Variants in GLIS3 observed in about 807,000 individuals in gnomAD.
The protein encoded by GLIS3 is GLIS family zinc finger 3.
A neutral mutation model predicts 78.6 loss-of-function variants in GLIS3; 53 were observed. That is an observed-to-expected ratio of 0.67 (90% confidence interval 0.54 to 0.85). The LOEUF is 0.85. Among genes scored for constraint, GLIS3 ranks in the 40% least tolerant of loss-of-function variants. The pLI, the probability that GLIS3 is intolerant of heterozygous loss-of-function variation, is 0.00. For missense variants in GLIS3, 1,703 were observed against 1,231.1 expected (o/e 1.38, Z -5.74); for synonymous variants, 684 against 509.9 (o/e 1.34, Z -4.60).
In GLIS3 at chr9:4,266,135, G is replaced by A. The variant is rs186351457; in HGVS notation, c.388+19903C>T. On this transcript the variant is annotated intron_variant, in intron 2 of 10. Coordinates refer to ENST00000381971, the MANE Select transcript of GLIS3 (RefSeq NM_001042413.2). ...AGGTTTCACCATGTTATCCAGGATG[G>A]TCTCGATCTCCTGACCTCATGATCC... 2.1e-3 allele frequency among the ~76,000 whole-genome samples: 321 copies of A among 151,668 alleles called. 6 individuals carry two copies. The highest frequency in any genetic ancestry group is 0.018 in the Admixed American group (279 of 15,248).
At chr9:4,101,284 A>G (rs1277900560) in intron 4 of GLIS3, among the ~76,000 whole-genome samples, 4 of 152,208 alleles carry the variant, frequency 2.6e-5, no homozygotes, top group African/African-American at 9.6e-5. Context: ...CTTGACTTCA[A>G]TGGAAGATGT....
chr9:3,894,558 G>A (rs1027894911), intron 7 of GLIS3, among the ~76,000 whole-genome samples: 3 of 152,038 alleles, frequency 2.0e-5, no homozygotes, highest in Non-Finnish European at 4.4e-5. Context: ...TTTTTATATG[G>A]TGCTATTTCT....
intron 4 of GLIS3, among the ~76,000 whole-genome samples, chr9:3,938,709 G>T (rs890596767): frequency 2.0e-5 from 3 of 152,186 alleles, no homozygotes; most frequent in South Asian, 4.2e-4. Context: ...AATAATTTTG[G>T]TGTTTTCCTG....
chr9:4,158,774 G>A (rs1345035086), intron 2 of GLIS3, among the ~76,000 whole-genome samples: 1 of 152,142 alleles, frequency 6.6e-6, no homozygotes, highest in African/African-American at 2.4e-5. Flanking sequence ...ACAATAATAT[G>A]AGTGAATGAA....
intron 4 of GLIS3, among the ~76,000 whole-genome samples, chr9:3,957,320 A>G (rs1212905200): frequency 6.6e-6 from 1 of 152,262 alleles, no homozygotes; most frequent in Non-Finnish European, 1.5e-5. Context: ...TTGGCTGCCT[A>G]GCCGATTAAT....
At chr9:4,084,327 CCTGTGGGATATCT>C (rs1564025188) in intron 4 of GLIS3, among the ~76,000 whole-genome samples, 2 of 150,920 alleles carry the variant, frequency 1.3e-5, no homozygotes, top group African/African-American at 4.9e-5. Flanking sequence ...CTTAGAGGGG[CCTGTGGGATATCT>C]CTTATCTTGC....
At chr9:4,384,847 T>C in the GLIS3 span, among the ~76,000 whole-genome samples, 7 of 152,250 alleles carry the variant, frequency 4.6e-5, no homozygotes, top group African/African-American at 7.2e-5. Context: ...ACATATCAGA[T>C]AGAAGACTTT....
intron 9 of GLIS3, among the ~76,000 whole-genome samples, chr9:3,845,472 A>C (rs2130117961): frequency 6.6e-6 from 1 of 152,282 alleles, no homozygotes; most frequent in South Asian, 2.1e-4. Flanking sequence ...AATTGGGGCA[A>C]ACATAAGGCT....
At chr9:4,244,608 C>G (rs956650667) in intron 2 of GLIS3, among the ~76,000 whole-genome samples, 6 of 151,894 alleles carry the variant, frequency 4.0e-5, no homozygotes, top group Non-Finnish European at 7.4e-5. Context: ...GAGTTTTGCT[C>G]TTGCCACCCA....
intron 2 of GLIS3, among the ~76,000 whole-genome samples, chr9:4,139,695 G>A (rs999580501): frequency 3.3e-5 from 5 of 152,190 alleles, no homozygotes; most frequent in African/African-American, 1.2e-4. Flanking sequence ...TGGGGTTCAG[G>A]ATGAAACTGT....
At chr9:4,083,518 G>T (rs895720815) in intron 4 of GLIS3, among the ~76,000 whole-genome samples, 2 of 152,150 alleles carry the variant, frequency 1.3e-5, no homozygotes, top group East Asian at 1.9e-4. Context: ...CATTCTATGG[G>T]TAAAAATACC....
At chr9:4,410,365 G>A in the GLIS3 span, among the ~76,000 whole-genome samples, 3 of 152,126 alleles carry the variant, frequency 2.0e-5, no homozygotes, top group East Asian at 1.9e-4. Flanking sequence ...TTAGCATAGA[G>A]CTATGGAGAA....
chr9:3,860,865 C>G (rs1011625689), intron 8 of GLIS3, among the ~76,000 whole-genome samples: 5 of 152,108 alleles, frequency 3.3e-5, no homozygotes, highest in African/African-American at 9.7e-5. Flanking sequence ...GATAGAGCAA[C>G]AAAAGACACA....
chr9:4,312,351 C>T (rs375699843), intron 2 of GLIS3, among the ~76,000 whole-genome samples: 1 of 151,970 alleles, frequency 6.6e-6, no homozygotes, highest in South Asian at 2.1e-4. Context: ...ACCTGTAATC[C>T]CAGCTACTGG....
At chr9:4,397,024 CTTTTTTT>C in the GLIS3 span, among the ~76,000 whole-genome samples, 127 of 121,214 alleles carry the variant, frequency 1.0e-3, 1 homozygote, top group African/African-American at 3.7e-3. Context: ...TTCTTTTTTT[CTTTTTTT>C]TTTTTTTTTT....
the GLIS3 span, among the ~76,000 whole-genome samples, chr9:4,433,925 T>A: frequency 2.5e-4 from 38 of 152,140 alleles, no homozygotes; most frequent in East Asian, 6.0e-3. Context: ...TGAAACCCCA[T>A]CTCTACTAAA....
intron 2 of GLIS3, among the ~76,000 whole-genome samples, chr9:4,189,318 T>G (rs1319638527): frequency 6.6e-6 from 1 of 152,228 alleles, no homozygotes; most frequent in Non-Finnish European, 1.5e-5. Context: ...TTGAGTGAGT[T>G]TCTTAATCCT....
chr9:4,276,400 AGGG>A (rs1826997658), intron 2 of GLIS3, among the ~76,000 whole-genome samples: 3 of 30,522 alleles, frequency 9.8e-5, no homozygotes, highest in Non-Finnish European at 2.0e-4. Context: ...AGGGAAGGGA[AGGG>A]GAGGGGAGGG....
At chr9:3,872,123 T>C (rs748653874) in intron 8 of GLIS3, among the ~76,000 whole-genome samples, 1 of 152,204 alleles carries the variant, frequency 6.6e-6, no homozygotes, top group Non-Finnish European at 1.5e-5. Context: ...AAGAGTCACC[T>C]TTGCTCCAGT....
Sources: allele counts gnomAD v4.1 joint callset (sites outside exome capture counted in the v4.1 genomes callset), GRCh38; gene constraint gnomAD v4.1.1; transcripts MANE v1.5; gene names NCBI Gene and HGNC (gene_info 2026-07-23, HGNC 2026-07-21).